DMD: variants seen among roughly 807,000 people sequenced by gnomAD.
The protein encoded by DMD is mutant dystrophin.
DMD carries 63 observed loss-of-function variants against 330.1 expected under a neutral mutation model. The ratio of observed to expected loss-of-function variants is 0.19; its 90% CI spans 0.16 to 0.24. The LOEUF is 0.24. DMD is among the 10% of genes least tolerant of loss of function. The pLI is 1.00. For missense variants in DMD, 3,344 were observed against 2,684.1 expected (o/e 1.25, Z -5.43); for synonymous variants, 1,223 against 959.8 (o/e 1.27, Z -5.07).
chrX:32,192,746 C>G (rs1247297446), intron 44 of DMD, among the ~76,000 whole-genome samples: 17 of 111,683 alleles, frequency 1.5e-4, no homozygotes, highest in South Asian at 3.8e-4. Flanking sequence ...GATAAGGCTT[C>G]TTTCATATTA....
At chrX:33,008,881 T>TACAC (rs1273246557) in intron 2 of DMD, among the ~76,000 whole-genome samples, 6 of 47,917 alleles carry the variant, frequency 1.3e-4, no homozygotes, top group Non-Finnish European at 2.5e-4. Context: ...CTCATATATG[T>TACAC]ATATATACGT....
At chrX:32,744,666 T>TACTTC (rs1182255803) in intron 7 of DMD, among the ~76,000 whole-genome samples, 1 of 111,539 alleles carries the variant, frequency 9.0e-6, no homozygotes, top group Non-Finnish European at 1.9e-5. Flanking sequence ...CATCCTAGCA[T>TACTTC]ACTTCACCTC....
intron 2 of DMD, among the ~76,000 whole-genome samples, chrX:32,885,746 G>C (rs1414755746): frequency 9.9e-6 from 1 of 100,719 alleles, no homozygotes. Flanking sequence ...ATAAAATGTA[G>C]AAGCGAAATT....
At position 33,162,277 on chromosome X, in the gene DMD, C is replaced by T. The variant is rs189697404; in HGVS notation, c.31+49005G>A. Among the ~76,000 whole-genome samples, 225 of 111,794 alleles carry T rather than the reference C, an allele frequency of 2.0e-3. 1 individual carries two copies. The highest frequency in any genetic ancestry group is 3.5e-3 in the Non-Finnish European group (187 of 53,137). Reference sequence around the variant, plus strand: ...TCAAGTGCCATTAAAATATCAAATACCAATTTAATAATTAGCTTATGATCA... The same window carrying T: ...TCAAGTGCCATTAAAATATCAAATATCAATTTAATAATTAGCTTATGATCA... On this transcript the variant is annotated intron_variant, in intron 1 of 78. Transcript: ENST00000357033.
At chrX:32,530,698 G>C (rs1213279268) in intron 17 of DMD, among the ~76,000 whole-genome samples, 1 of 111,935 alleles carries the variant, frequency 8.9e-6, no homozygotes, top group East Asian at 2.8e-4. Context: ...ATGACCCAGA[G>C]GATGGGAAAT....
intron 12 of DMD, among the ~76,000 whole-genome samples, chrX:32,613,621 T>G (rs2057340795): frequency 9.1e-6 from 1 of 110,387 alleles, no homozygotes; most frequent in Non-Finnish European, 1.9e-5. Context: ...AATGTAAAAT[T>G]ACATTAAAAA....
At chrX:32,750,099 G>A (rs1006508349) in intron 7 of DMD, among the ~76,000 whole-genome samples, 1 of 112,127 alleles carries the variant, frequency 8.9e-6, no homozygotes, top group African/African-American at 3.2e-5. Context: ...ACACTCATAA[G>A]TGTTTATTGA....
chrX:33,060,275 A>T (rs1406146992), intron 1 of DMD, among the ~76,000 whole-genome samples: 1 of 111,271 alleles, frequency 9.0e-6, no homozygotes, highest in Non-Finnish European at 1.9e-5. Context: ...TGCTGAAAAT[A>T]GTCCAGTCAT....
chrX:32,057,380 G>A (rs1455404882), intron 44 of DMD, among the ~76,000 whole-genome samples: 2 of 111,073 alleles, frequency 1.8e-5, no homozygotes, highest in Middle Eastern at 4.7e-3. Flanking sequence ...TAAGAGTGAC[G>A]CCACACAGAG....
intron 54 of DMD, among the ~76,000 whole-genome samples, chrX:31,632,261 C>A (rs1055547280): frequency 3.6e-5 from 4 of 110,923 alleles, no homozygotes; most frequent in African/African-American, 1.3e-4. Flanking sequence ...CCGGGGTAAG[C>A]CTAAAGAGCT....
chrX:31,230,898 A>C (rs1454266578), intron 63 of DMD, among the ~76,000 whole-genome samples: 1 of 111,816 alleles, frequency 8.9e-6, no homozygotes, highest in East Asian at 2.8e-4. Flanking sequence ...GCAGAGTTGA[A>C]ATTCAAATTA....
At chrX:31,718,333 G>C (rs2085216092) in intron 52 of DMD, among the ~76,000 whole-genome samples, 1 of 111,152 alleles carries the variant, frequency 9.0e-6, no homozygotes, top group South Asian at 3.9e-4. Context: ...TTTTCTAGAT[G>C]TGAAAATTTT....
chrX:31,358,901 C>T (rs2058796814), intron 60 of DMD, among the ~76,000 whole-genome samples: 1 of 111,947 alleles, frequency 8.9e-6, no homozygotes, highest in Non-Finnish European at 1.9e-5. Flanking sequence ...CAGTTCTGTT[C>T]CCAAATAGTC....
chrX:31,760,039 C>T (rs1477397415), intron 51 of DMD, among the ~76,000 whole-genome samples: 1 of 111,669 alleles, frequency 9.0e-6, no homozygotes, highest in East Asian at 2.8e-4. Context: ...ACAATACTAA[C>T]ATTCCTAAAA....
At position 31,619,119 on chromosome X, in the gene DMD, T is replaced by C. The variant is rs575902339; in HGVS notation, c.8217+8554A>G. On this transcript the variant is annotated intron_variant, in intron 55 of 78. Transcript: ENST00000357033. Reference sequence around the variant, plus strand: ...TTATTATTATTACCCCCCTTAATAATTGAAAAATACATGATGACTTTAATC... The same window carrying C: ...TTATTATTATTACCCCCCTTAATAACTGAAAAATACATGATGACTTTAATC... Among the ~76,000 whole-genome samples the C allele has an allele frequency of 2.7e-5, 3 of 111,572 alleles. No homozygotes were observed. In the East Asian group the frequency reaches 8.4e-4, roughly 31 times the overall value.
intron 9 of DMD, among the ~76,000 whole-genome samples, chrX:32,679,782 A>G (rs2062240361): frequency 9.1e-6 from 1 of 109,748 alleles, no homozygotes; most frequent in African/African-American, 3.3e-5. Context: ...GACCACGTCA[A>G]TCAATTTTAC....
chrX:31,610,340 C>G (rs1043190161), intron 55 of DMD, among the ~76,000 whole-genome samples: 1 of 111,687 alleles, frequency 9.0e-6, no homozygotes. Context: ...ACAAATTTGG[C>G]TAGAAAGTTA....
intron 57 of DMD, among the ~76,000 whole-genome samples, chrX:31,495,808 G>C (rs1354546061): frequency 9.0e-6 from 1 of 111,233 alleles, no homozygotes; most frequent in Non-Finnish European, 1.9e-5. Context: ...CACAAAAAGA[G>C]AAAACAAGGC....
intron 55 of DMD, among the ~76,000 whole-genome samples, chrX:31,556,072 A>C (rs6653854): frequency 9.1e-6 from 1 of 109,673 alleles, no homozygotes; most frequent in South Asian, 3.9e-4. Flanking sequence ...AGTTTAAAAA[A>C]AATAATAATA....
Sources: allele counts gnomAD v4.1 joint callset (sites outside exome capture counted in the v4.1 genomes callset), GRCh38; gene constraint gnomAD v4.1.1; transcripts MANE v1.5; gene names NCBI Gene and HGNC (gene_info 2026-07-23, HGNC 2026-07-21).